The following CDK19 variants were observed in gnomAD, a reference collection of about 807,000 sequenced individuals.
CDK19 encodes the protein cyclin dependent kinase 19.
A neutral mutation model predicts 68.3 loss-of-function variants in CDK19; 20 were observed. The observed-to-expected ratio is 0.29, with a 90% CI of 0.21 to 0.43. The LOEUF (loss-of-function observed/expected upper bound fraction) is 0.43, where lower values mean the gene tolerates loss of function less well. Among genes scored for constraint, CDK19 ranks in the 20% least tolerant of loss-of-function variants. The probability of loss-of-function intolerance (pLI) is 1.00; values close to 1 mark genes in which losing one functional copy is unlikely to be tolerated. For synonymous variants in CDK19, 221 were observed against 222.8 expected (o/e 0.99, Z 0.07); for missense variants, 339 against 623.5 (o/e 0.54, Z 4.86).
At chr6:110,812,277 T>G (rs1172460761) in intron 1 of CDK19, among the ~76,000 whole-genome samples, 1 of 152,006 alleles carries the variant, frequency 6.6e-6, no homozygotes, top group Non-Finnish European at 1.5e-5. Context: ...CCCGCCACCA[T>G]GCCCGGCTAA....
At chr6:110,701,698 C>T (rs1774023227) in intron 2 of CDK19, among the ~76,000 whole-genome samples, 1 of 152,082 alleles carries the variant, frequency 6.6e-6, no homozygotes. Context: ...CAAATTGAAG[C>T]AATGGAGACA....
chr6:110,640,025 CA>C (rs1780033280), intron 4 of CDK19, among the ~76,000 whole-genome samples: 1 of 151,962 alleles, frequency 6.6e-6, no homozygotes, highest in African/African-American at 2.4e-5. Flanking sequence ...CCAGCCTGGG[CA>C]AAACACAAAA....
chr6:110,728,300 A>AG (rs1367929820), intron 2 of CDK19, among the ~76,000 whole-genome samples: 4 of 141,854 alleles, frequency 2.8e-5, no homozygotes, highest in Middle Eastern at 3.9e-3. Flanking sequence ...AAAAAAAAAA[A>AG]AAAGAGAGAG....
intron 1 of CDK19, among the ~76,000 whole-genome samples, chr6:110,778,787 G>A (rs1780597644): frequency 6.6e-6 from 1 of 152,176 alleles, no homozygotes; most frequent in Non-Finnish European, 1.5e-5. Context: ...TTAGCTAGAA[G>A]TGGAAGTCAC....
chr6:110,747,789 T>C (rs1341435327), intron 1 of CDK19, among the ~76,000 whole-genome samples: 1 of 152,182 alleles, frequency 6.6e-6, no homozygotes, highest in Admixed American at 6.5e-5. Flanking sequence ...TTTTTCTCCA[T>C]CCTGTTTTTT....
intron 4 of CDK19, among the ~76,000 whole-genome samples, chr6:110,641,646 A>AAAGG (rs71553305): frequency 0.04 from 5,245 of 131,374 alleles, 161 homozygotes; most frequent in African/African-American, 0.075. Flanking sequence ...AAAGGGAAAG[A>AAAGG]AAGGAAGGAA....
chr6:110,786,697 T>C (rs1201536129), intron 1 of CDK19, among the ~76,000 whole-genome samples: 1 of 148,820 alleles, frequency 6.7e-6, no homozygotes. Flanking sequence ...CCTTTAGTGT[T>C]GAACTCATTG....
In CDK19 at chr6:110,611,962, T is replaced by C. The variant is rs888312213; in HGVS notation, c.*2573A>G. ...TGTGTGGAATGGAGATTTCTGGCTATGTCCTGGAGGATATTGTATACTGGG... is the reference window on the plus strand; with the variant it reads ...TGTGTGGAATGGAGATTTCTGGCTACGTCCTGGAGGATATTGTATACTGGG... On this transcript the variant is annotated 3_prime_UTR_variant, in exon 13 of 13. Coordinates refer to ENST00000368911, the MANE Select transcript of CDK19 (RefSeq NM_015076.5). 6.6e-6 allele frequency: 1 copy of C among 152,248 alleles called. No individual in the cohort carries two copies. The highest frequency in any genetic ancestry group is 1.5e-5 in the Non-Finnish European group (1 of 68,048). The allele number at this position is 152,248 out of a possible 1,614,324, so 9.4% of individuals were successfully genotyped here. A position where few individuals can be genotyped will look rare whatever the true frequency, so the allele number is the denominator to read the frequency against.
At chr6:110,719,822 C>T (rs1775690182) in intron 2 of CDK19, among the ~76,000 whole-genome samples, 1 of 152,068 alleles carries the variant, frequency 6.6e-6, no homozygotes, top group South Asian at 2.1e-4. Context: ...CTTCCGCCTC[C>T]CAGGTTCAAG....
chr6:110,698,249 A>C (rs1773659763), intron 2 of CDK19, among the ~76,000 whole-genome samples: 1 of 152,220 alleles, frequency 6.6e-6, no homozygotes, highest in African/African-American at 2.4e-5. Flanking sequence ...AAATATTTGC[A>C]AACTATGCAT....
At chr6:110,815,661 C>A, upstream of CDK19, 1 of 152,992 alleles carries the variant, frequency 6.5e-6, no homozygotes, top group Non-Finnish European at 1.5e-5. Flanking sequence ...GCTCCCGGTT[C>A]CTGTGAAGGT....
intron 1 of CDK19, among the ~76,000 whole-genome samples, chr6:110,801,567 A>G (rs1413317923): frequency 6.6e-6 from 1 of 151,362 alleles, no homozygotes; most frequent in Non-Finnish European, 1.5e-5. Flanking sequence ...GCTAGAGTGC[A>G]GTGGCGTCAT....
At chr6:110,788,154 T>C (rs1781366104) in intron 1 of CDK19, among the ~76,000 whole-genome samples, 1 of 150,392 alleles carries the variant, frequency 6.6e-6, no homozygotes, top group African/African-American at 2.4e-5. Flanking sequence ...TTTTGTTTTT[T>C]TGTTGTTGTT....
Position 110,794,299 on chromosome 6 carries a change from G to A in CDK19, c.128+20710C>T, listed in dbSNP as rs541932876. On this transcript the variant is annotated intron_variant, in intron 1 of 12. Transcript: ENST00000368911. ...TGACCTCAGGTGATCCGCCCACCTC[G>A]GCCTCCCAAATTGCTAGGATTACCT... 1.2e-3 allele frequency among the ~76,000 whole-genome samples: 185 copies of A among 151,962 alleles called. 1 individual carries two copies. Among genetic ancestry groups the A allele is most frequent in the African/African-American group, 4.3e-3 (177 of 41,464 alleles).
Position 110,753,210 on chromosome 6 carries a change from G to T in CDK19, c.129-7009C>A, listed in dbSNP as rs558709901. 2.0e-5 allele frequency among the ~76,000 whole-genome samples: 3 copies of T among 152,094 alleles called. No individual in the cohort carries two copies. The South Asian group carries it at 6.2e-4, about 32-fold the overall frequency. On this transcript the variant is annotated intron_variant, in intron 1 of 12. Transcript: ENST00000368911. ...CTCTCAAAGTGCTAGGATTACAGGCGTGAGCCACCACACCTAGCTAGTTAT... is the reference window on the plus strand; with the variant it reads ...CTCTCAAAGTGCTAGGATTACAGGCTTGAGCCACCACACCTAGCTAGTTAT...
At chr6:110,652,003 C>T (rs532417092) in intron 4 of CDK19, among the ~76,000 whole-genome samples, 1 of 151,912 alleles carries the variant, frequency 6.6e-6, no homozygotes, top group Admixed American at 6.6e-5. Flanking sequence ...GAACCCAGGA[C>T]ATGGAGGTTG....
At chr6:110,723,161 A>C (rs1776061605) in intron 2 of CDK19, among the ~76,000 whole-genome samples, 1 of 151,470 alleles carries the variant, frequency 6.6e-6, no homozygotes, top group Non-Finnish European at 1.5e-5. Flanking sequence ...CAAAAAAAAA[A>C]ACGCAGATTT....
chr6:110,759,428 A>AATATATAT (rs34490988), intron 1 of CDK19, among the ~76,000 whole-genome samples: 123 of 50,888 alleles, frequency 2.4e-3, no homozygotes, highest in Middle Eastern at 0.014. Flanking sequence ...AAAAAAAAAA[A>AATATATAT]ATATATATAT....
rs540305823 is a variant in CDK19, at chr6:110,691,131, A to T, written c.205-20590T>A. The stretch of plus-strand genomic sequence containing the variant: ...AAAACCAACATGAAGAAATTTTTTA[A>T]AAAAAATCCAGGATATGAATGAAAA... On this transcript the variant is annotated intron_variant, in intron 2 of 12. Transcript: ENST00000368911. Among the ~76,000 whole-genome samples the T allele has an allele frequency of 5.7e-4, 87 of 152,280 alleles. No individual in the cohort carries two copies. The South Asian group carries it at 0.012, about 21-fold the overall frequency.
Sources: allele counts gnomAD v4.1 joint callset (sites outside exome capture counted in the v4.1 genomes callset), GRCh38; gene constraint gnomAD v4.1.1; transcripts MANE v1.5; gene names NCBI Gene and HGNC (gene_info 2026-07-23, HGNC 2026-07-21).